FMNL3: variants seen among roughly 807,000 people sequenced by gnomAD.
The protein encoded by FMNL3 is formin like 3, also known as formin-like protein 3.
In FMNL3, 57 loss-of-function variants were observed where a neutral mutation model predicts 119.6. That is an observed-to-expected ratio of 0.48 (90% confidence interval 0.39 to 0.59). The LOEUF (loss-of-function observed/expected upper bound fraction) is 0.59, where lower values mean the gene tolerates loss of function less well. Ranked by LOEUF, FMNL3 falls within the 20% of genes least tolerant of loss-of-function variation. The pLI is 0.00. For synonymous variants in FMNL3, 491 were observed against 507.3 expected (o/e 0.97, Z 0.43); for missense variants, 1,053 against 1,323.5 (o/e 0.80, Z 3.17).
chr12:49,695,963 T>A (rs1490897773), intron 1 of FMNL3, among the ~76,000 whole-genome samples: 2 of 152,164 alleles, frequency 1.3e-5, no homozygotes, highest in East Asian at 1.9e-4. Flanking sequence ...AAAGAGTTGC[T>A]GCTTTAGGCA....
At position 49,654,930 on chromosome 12, in the gene FMNL3, C is replaced by T. The variant is rs1565871864; in HGVS notation, c.940G>A (p.Asp314Asn). 1 of 1,614,118 alleles carries T rather than the reference C, an allele frequency of 6.2e-7. No individual in the cohort carries two copies. Among genetic ancestry groups the T allele is most frequent in the Admixed American group, 1.7e-5 (1 of 60,012 alleles). The change falls in exon 10 of 26, where the codon GAC becomes AAC. Residue 314 changes from aspartate (D) to asparagine (N), a missense_variant. Physicochemically the swap from Asp to Asn is conservative, Grantham distance 23 (BLOSUM62 1). Coordinates refer to ENST00000335154, the MANE Select transcript of FMNL3 (RefSeq NM_175736.5). Reference protein sequence around the residue: ...EKLMEYFRNEDSNIDFMVACM... With the variant: ...EKLMEYFRNENSNIDFMVACM... ...CTCACCATGAAGTCAATATTGCTGT[C>T]CTCATTCCGGAAATACTCCATCAGC... is the stretch of plus-strand genomic sequence containing the variant.
chr12:49,696,173 C>T (rs1313003148), intron 1 of FMNL3, among the ~76,000 whole-genome samples: 2 of 152,206 alleles, frequency 1.3e-5, no homozygotes, highest in East Asian at 1.9e-4. Flanking sequence ...ACAACCTACA[C>T]ACATCCTCCT....
chr12:49,668,371 C>G (rs1188580628), intron 2 of FMNL3, 100 bp downstream of exon 2: 8 of 1,126,332 alleles, frequency 7.1e-6, no homozygotes, highest in Non-Finnish European at 1.1e-5. Context: ...GCCAGGGTTC[C>G]TCAAGGAACC....
chr12:49,661,889 C>T lies in FMNL3; in HGVS notation c.452+77G>A, dbSNP rs1011905258. 4 of 1,335,936 alleles carry T rather than the reference C, an allele frequency of 3.0e-6. No homozygotes were observed. In the Admixed American group the frequency reaches 5.1e-5, roughly 17 times the overall value. The allele number at this position is 1,335,936 out of a possible 1,614,324, so 82.8% of individuals were successfully genotyped here. A position where few individuals can be genotyped will look rare whatever the true frequency, so the allele number is the denominator to read the frequency against. Reference sequence around the variant, plus strand: ...TTCCATCTTCATTGTTGAACTCTCACCCTTCCTTATCAAAGTAGAATGGAA... The same window carrying T: ...TTCCATCTTCATTGTTGAACTCTCATCCTTCCTTATCAAAGTAGAATGGAA... On this transcript the variant is annotated intron_variant, in intron 5 of 25. Coordinates refer to ENST00000335154, the MANE Select transcript of FMNL3 (RefSeq NM_175736.5).
chr12:49,637,379 C>G lies in FMNL3; in HGVS notation c.*8436G>C, dbSNP rs964359396. ...ATTTCCTCAATCTTGATTGTCCCTGCCTCTTCCTCTGCCATTCCCTCTCTT... is the reference window on the plus strand; with the variant it reads ...ATTTCCTCAATCTTGATTGTCCCTGGCTCTTCCTCTGCCATTCCCTCTCTT... On this transcript the variant is annotated 3_prime_UTR_variant, in exon 26 of 26. Transcript: ENST00000335154. 2.4e-6 allele frequency: 2 copies of G among 824,688 alleles called. No individual in the cohort carries two copies. The highest frequency in any genetic ancestry group is 3.3e-5 in the African/African-American group (2 of 59,772). 51.1% of individuals were successfully genotyped at this position (824,688 alleles called of 1,614,324 possible).
At chr12:49,651,142 G>A in intron 16 of FMNL3, 26 bp downstream of exon 16, 1 of 1,608,214 alleles carries the variant, frequency 6.2e-7, no homozygotes, top group Non-Finnish European at 8.5e-7. Flanking sequence ...CTCAACCTTA[G>A]CCCTCTGGAC....
intron 1 of FMNL3, among the ~76,000 whole-genome samples, chr12:49,681,000 G>A (rs915792640): frequency 6.6e-6 from 1 of 152,314 alleles, no homozygotes; most frequent in African/African-American, 2.4e-5. Context: ...TGATTTATCT[G>A]ACTGGCTTTG....
intron 1 of FMNL3, among the ~76,000 whole-genome samples, chr12:49,676,088 C>T (rs1257711652): frequency 6.6e-6 from 1 of 152,204 alleles, no homozygotes; most frequent in Non-Finnish European, 1.5e-5. Context: ...TAATCAGCCC[C>T]TCTCTTGAGC....
chr12:49,656,077 G>A (rs994219461), intron 9 of FMNL3, among the ~76,000 whole-genome samples: 1 of 152,092 alleles, frequency 6.6e-6, no homozygotes, highest in Non-Finnish European at 1.5e-5. Context: ...GGCCTCCAGT[G>A]GGTCTGAACT....
Position 49,665,847 on chromosome 12 carries a change from C to T in FMNL3, c.353G>A (p.Arg118His). ...KVLRELEISL[R>H]TNHIGWVREF... ...TCCAACTCACCCAATGTGGTTGGTG[C>T]GAAGAGAGATCTCCAGCTCCCTTAG... The change falls in exon 4 of 26, where the codon CGC (arginine) becomes CAC (histidine). Residue 118 changes from arginine (R) to histidine (H), a missense_variant. Physicochemically the swap from Arg to His is conservative, Grantham distance 29. This residue lies in a region of FMNL3 where 264 missense variants were observed against 265.5 expected (regional missense o/e 0.99). Transcript: ENST00000335154. The T allele has an allele frequency of 3.1e-6, 5 of 1,614,134 alleles. No homozygotes were observed. Among genetic ancestry groups the T allele is most frequent in the Non-Finnish European group, 2.5e-6 (3 of 1,180,020 alleles).
At position 49,659,898 on chromosome 12, in the gene FMNL3, C is replaced by A. The variant is rs939395151; in HGVS notation, c.453-1304G>T. Reference sequence around the variant, plus strand: ...ACTAAGGGAGCATCTCTTACAGGTTCTTCTCCCCCAAGAAGCATTCTGCTC... The same window carrying A: ...ACTAAGGGAGCATCTCTTACAGGTTATTCTCCCCCAAGAAGCATTCTGCTC... On this transcript the variant is annotated intron_variant, in intron 5 of 25. Transcript: ENST00000335154. 6.1e-6 allele frequency: 6 copies of A among 985,352 alleles called. No homozygotes were observed. In the African/African-American group the frequency reaches 8.7e-5, roughly 14 times the overall value. 61.0% of individuals were successfully genotyped at this position (985,352 alleles called of 1,614,324 possible). A position where few individuals can be genotyped will look rare whatever the true frequency, so the allele number is the denominator to read the frequency against.
At position 49,641,853 on chromosome 12, in the gene FMNL3, C is replaced by T. The variant is rs916747450; in HGVS notation, c.*3962G>A. 3.6e-5 allele frequency: 53 copies of T among 1,473,286 alleles called. No homozygotes were observed. In the Middle Eastern group the frequency reaches 7.0e-4, roughly 19 times the overall value. 91.3% of individuals were successfully genotyped at this position (1,473,286 alleles called of 1,614,324 possible). On this transcript the variant is annotated 3_prime_UTR_variant, in exon 26 of 26. Transcript: ENST00000335154. ...TCTGTAATGTGACCACTCTGCCTGC[C>T]AGCTTTGGCCTCAGGCACGTGGTGC...
intron 1 of FMNL3, among the ~76,000 whole-genome samples, chr12:49,698,249 C>T (rs1173870184): frequency 6.6e-6 from 1 of 152,074 alleles, no homozygotes; most frequent in Non-Finnish European, 1.5e-5. Flanking sequence ...TCACCAGCCC[C>T]AACTCCAGTT....
At chr12:49,659,645 G>T in intron 5 of FMNL3, 1 of 453,576 alleles carries the variant, frequency 2.2e-6, no homozygotes. Context: ...AAACTCCTGG[G>T]CTCAAGCAAT....
At chr12:49,648,710 C>A (rs951086999) in intron 21 of FMNL3, among the ~76,000 whole-genome samples, 1 of 152,236 alleles carries the variant, frequency 6.6e-6, no homozygotes, top group African/African-American at 2.4e-5. Flanking sequence ...AAGCACTTCA[C>A]ATACATCATA....
At chr12:49,657,348 G>A (rs971374620) in intron 6 of FMNL3, among the ~76,000 whole-genome samples, 158 bp from the exon 7 acceptor site, 1 of 152,194 alleles carries the variant, frequency 6.6e-6, no homozygotes, top group Non-Finnish European at 1.5e-5. Flanking sequence ...GGGTGCAGGA[G>A]GCAGGGTGGT....
At chr12:49,701,823 C>T (rs11831007) in intron 1 of FMNL3, among the ~76,000 whole-genome samples, 1,559 of 151,630 alleles carry the variant, frequency 0.01, 26 homozygotes, top group African/African-American at 0.035. Context: ...ATTTGGGAGG[C>T]GAGGCAGGAG....
rs181217674 is a variant in FMNL3, at chr12:49,688,439, G to A, written c.126+18616C>T. On this transcript the variant is annotated intron_variant, in intron 1 of 25. Coordinates refer to ENST00000335154, the MANE Select transcript of FMNL3 (RefSeq NM_175736.5). ...CAAGGTCCCACATAATCTGGGCCCT[G>A]CTCACCTTTCCTATACCTTCTCGGA... 4.3e-4 allele frequency: 196 copies of A among 456,056 alleles called. 1 individual carries two copies. Among genetic ancestry groups the A allele is most frequent in the African/African-American group, 3.7e-3 (186 of 50,178 alleles). 28.3% of individuals were successfully genotyped at this position (456,056 alleles called of 1,614,324 possible).
rs1945076066 is a variant in FMNL3 at position 49,707,210 on chromosome 12, C to T, written c.-30G>A. 4 of 1,477,260 alleles carry T rather than the reference C, an allele frequency of 2.7e-6. No individual in the cohort carries two copies. The East Asian group carries it at 7.8e-5, about 29-fold the overall frequency. 91.5% of individuals were successfully genotyped at this position (1,477,260 alleles called of 1,614,324 possible). A position where few individuals can be genotyped will look rare whatever the true frequency, so the allele number is the denominator to read the frequency against. ...GCGGGGCCCCCTCAGGGGCCTCGGC[C>T]CCCCACCTCCACGCTCCGGAGCTTT... On this transcript the variant is annotated 5_prime_UTR_variant, in exon 1 of 26. Transcript: ENST00000335154.
Sources: allele counts gnomAD v4.1 joint callset (sites outside exome capture counted in the v4.1 genomes callset), GRCh38; gene constraint gnomAD v4.1.1; regional missense constraint gnomAD v4.1.1; transcripts MANE v1.5; gene names NCBI Gene and HGNC (gene_info 2026-07-23, HGNC 2026-07-21).